SH3RF2: variants seen among roughly 807,000 people sequenced by gnomAD.
SH3RF2 encodes the protein SH3 domain containing ring finger 2, also known as E3 ubiquitin-protein ligase SH3RF2.
Under a neutral mutation model 59.0 loss-of-function variants are expected in SH3RF2, and 43 were observed. The ratio of observed to expected loss-of-function variants is 0.73; its 90% CI spans 0.57 to 0.94. The LOEUF is 0.94. Among genes scored for constraint, SH3RF2 ranks in the 40% least tolerant of loss-of-function variants. The pLI is 0.00. For synonymous variants in SH3RF2, 391 were observed against 391.5 expected (o/e 1.00, Z 0.01); for missense variants, 930 against 940.1 (o/e 0.99, Z 0.14).
chr5:145,953,595 G>T (rs1463045287), intron 2 of SH3RF2, among the ~76,000 whole-genome samples: 3 of 152,072 alleles, frequency 2.0e-5, no homozygotes, highest in Non-Finnish European at 4.4e-5. Context: ...TACATGTGAA[G>T]GTTTGTTATA....
At chr5:146,047,375 G>T (rs555841937) in intron 5 of SH3RF2, among the ~76,000 whole-genome samples, 26 of 152,018 alleles carry the variant, frequency 1.7e-4, no homozygotes, top group Non-Finnish European at 3.4e-4. Flanking sequence ...AAACTGCCTA[G>T]TAATTGCTCA....
intron 2 of SH3RF2, among the ~76,000 whole-genome samples, chr5:145,945,934 T>A (rs1757992862): frequency 1.3e-5 from 2 of 152,134 alleles, no homozygotes; most frequent in African/African-American, 4.8e-5. Context: ...TGAGGAGCAG[T>A]CTCCATGTCC....
chr5:146,022,240 C>T (rs375018196), intron 5 of SH3RF2, among the ~76,000 whole-genome samples: 1 of 152,208 alleles, frequency 6.6e-6, no homozygotes, highest in Admixed American at 6.5e-5. Flanking sequence ...TAAAGTGTCA[C>T]TCTGTTGCCC....
rs779070174 is a variant in SH3RF2, at chr5:146,047,766, G to A, written c.1060-6G>A. 19 of 1,613,798 alleles carry A rather than the reference G, an allele frequency of 1.2e-5. No homozygotes were observed. Among genetic ancestry groups the A allele is most frequent in the Non-Finnish European group, 2.5e-6 (3 of 1,179,934 alleles). ...TTCTGCTTGGCTGTCTTTTCTGTCT[G>A]TGCAGGTCAGCACTTATCACCCCGC... On this transcript the variant is annotated splice_region_variant and splice_polypyrimidine_tract_variant and intron_variant, in intron 5 of 9. Transcript: ENST00000359120.
intron 8 of SH3RF2, 45 bp from the exon 9 acceptor site, chr5:146,059,821 G>A (rs763230018): frequency 2.1e-5 from 29 of 1,366,754 alleles, no homozygotes; most frequent in Non-Finnish European, 1.1e-5. Context: ...CCAACCTACT[G>A]CCAGCCGCCC....
At chr5:146,067,354 G>A (rs1333930890), downstream of SH3RF2, among the ~76,000 whole-genome samples, 4 of 152,140 alleles carry the variant, frequency 2.6e-5, no homozygotes, top group African/African-American at 7.2e-5. Context: ...AACATACTGC[G>A]CCACAGCAGC....
In SH3RF2 at chr5:145,973,961, CTCACAGGT is replaced by C. The variant is rs1233390321; in HGVS notation, c.379-26094_379-26087del. On this transcript the variant is annotated intron_variant, in intron 2 of 9. Transcript: ENST00000359120. ...GCATAAAACAACACACACTTATTATCTCACAGGTTCTGTGGGTCAGGAGTCTGACACAG... is the reference window on the plus strand; with the variant it reads ...GCATAAAACAACACACACTTATTATCTCTGTGGGTCAGGAGTCTGACACAG... Among the ~76,000 whole-genome samples the C allele has an allele frequency of 2.6e-5, 4 of 152,326 alleles. No individual in the cohort carries two copies. The East Asian group carries it at 7.7e-4, about 29-fold the overall frequency.
chr5:146,033,135 G>T (rs541079755), intron 5 of SH3RF2, among the ~76,000 whole-genome samples: 74 of 152,152 alleles, frequency 4.9e-4, no homozygotes, highest in Non-Finnish European at 7.9e-4. Context: ...TGATGATAAT[G>T]GTATTTAGCC....
chr5:145,989,882 C>T (rs1032064331), intron 2 of SH3RF2, among the ~76,000 whole-genome samples: 1 of 152,162 alleles, frequency 6.6e-6, no homozygotes, highest in African/African-American at 2.4e-5. Flanking sequence ...TCAGCCTTTA[C>T]CTCCCTTTAT....
chr5:146,073,947 C>A (rs1763288950), intron 9 of SH3RF2, among the ~76,000 whole-genome samples: 1 of 151,960 alleles, frequency 6.6e-6, no homozygotes, highest in Non-Finnish European at 1.5e-5. Flanking sequence ...AAGAGGGAAC[C>A]AGACACGCAG....
At chr5:145,973,282 G>A (rs776617617) in intron 2 of SH3RF2, among the ~76,000 whole-genome samples, 4 of 152,186 alleles carry the variant, frequency 2.6e-5, no homozygotes, top group Non-Finnish European at 5.9e-5. Flanking sequence ...CCAAATTAAG[G>A]GATCTGGACT....
In SH3RF2 at chr5:146,062,676, C is replaced by A. The variant is rs147803771; in HGVS notation, c.2165C>A (p.Thr722Lys). The A allele has an allele frequency of 1.1e-5, 17 of 1,613,608 alleles. No homozygotes were observed. Among genetic ancestry groups the A allele is most frequent in the Non-Finnish European group, 1.2e-5 (14 of 1,179,634 alleles). The change falls in exon 10 of 10, where the codon ACG becomes AAG. Residue 722 changes from threonine (T) to lysine (K), a missense_variant. Coordinates refer to ENST00000359120, the MANE Select transcript of SH3RF2 (RefSeq NM_152550.4). The stretch of plus-strand genomic sequence containing the variant: ...ACCCTGGTGTCCACTGCCTCAGGCA[C>A]GCAGACCGTGTTTCCCAGCAAATGA... ...ATTLVSTASGTQTVFPSK is the reference protein window; with the variant it reads ...ATTLVSTASGKQTVFPSK
At chr5:146,037,278 C>T (rs11167926) in intron 5 of SH3RF2, among the ~76,000 whole-genome samples, 31 of 152,080 alleles carry the variant, frequency 2.0e-4, no homozygotes, top group Admixed American at 1.7e-3. Context: ...AAGTCTGAGC[C>T]TCCCACAGCC....
At chr5:146,003,838 T>C (rs989194941) in intron 3 of SH3RF2, among the ~76,000 whole-genome samples, 9 of 152,218 alleles carry the variant, frequency 5.9e-5, no homozygotes, top group Non-Finnish European at 1.0e-4. Flanking sequence ...TTGGATTCCA[T>C]TGATTCTCCA....
At chr5:145,999,925 C>A in intron 2 of SH3RF2, 133 bp from the exon 3 acceptor site, 8 of 1,031,786 alleles carry the variant, frequency 7.8e-6, no homozygotes, top group South Asian at 6.7e-5. Flanking sequence ...TTGCCATAAA[C>A]CTTTGATTTG....
intron 2 of SH3RF2, among the ~76,000 whole-genome samples, chr5:145,994,106 C>A (rs1424350024): frequency 2.0e-5 from 3 of 152,196 alleles, no homozygotes; most frequent in Non-Finnish European, 2.9e-5. Flanking sequence ...AGGGCAGGTG[C>A]AAAATGCTGC....
At position 145,947,050 on chromosome 5, in the gene SH3RF2, C is replaced by T. The variant is rs1758026617; in HGVS notation, c.378+8744C>T. Among the ~76,000 whole-genome samples, 4 of 151,910 alleles carry T rather than the reference C, an allele frequency of 2.6e-5. No homozygotes were observed. In the South Asian group the frequency reaches 8.3e-4, roughly 32 times the overall value. ...GTTCAGCAGCATTAAGTACATTGAT[C>T]TTGTTATGCAAGTGTCACCACTATC... On this transcript the variant is annotated intron_variant, in intron 2 of 9. Coordinates refer to ENST00000359120, the MANE Select transcript of SH3RF2 (RefSeq NM_152550.4).
At chr5:146,005,658 C>T (rs1046853097) in intron 4 of SH3RF2, among the ~76,000 whole-genome samples, 2 of 152,114 alleles carry the variant, frequency 1.3e-5, no homozygotes, top group Admixed American at 6.6e-5. Context: ...CTTGCTGGGA[C>T]CCCTTTCAGA....
In SH3RF2 at chr5:145,937,829, A is replaced by G. The variant is rs1581365703; in HGVS notation, c.-100A>G. On this transcript the variant is annotated 5_prime_UTR_variant, in exon 2 of 10. Coordinates refer to ENST00000359120, the MANE Select transcript of SH3RF2 (RefSeq NM_152550.4). ...CTCTCCCTCCTTCAAGCAGGCAAAA[A>G]TTCTGACGTTCTCAAGAGACCAGCT... is the stretch of plus-strand genomic sequence containing the variant. 1.4e-6 allele frequency: 2 copies of G among 1,448,172 alleles called. No individual in the cohort carries two copies. The highest frequency in any genetic ancestry group is 2.8e-5 in the South Asian group (2 of 72,562). The allele number at this position is 1,448,172 out of a possible 1,614,324, so 89.7% of individuals were successfully genotyped here. A position where few individuals can be genotyped will look rare whatever the true frequency, so the allele number is the denominator to read the frequency against.
Sources: gnomAD v4.1 joint callset for allele counts (sites outside exome capture counted in the v4.1 genomes callset) on GRCh38, gnomAD v4.1.1 for gene constraint, MANE v1.5 for transcripts, NCBI Gene and HGNC (gene_info 2026-07-23, HGNC 2026-07-21) for gene names.